Variants in CTNNA3 observed in about 807,000 individuals in gnomAD.
The protein encoded by CTNNA3 is catenin alpha 3, also known as catenin alpha-3.
Under a neutral mutation model 95.7 loss-of-function variants are expected in CTNNA3, and 76 were observed. That is an observed-to-expected ratio of 0.79 (90% CI 0.66 to 0.96). The LOEUF (loss-of-function observed/expected upper bound fraction) is 0.96, where lower values mean the gene tolerates loss of function less well. CTNNA3 is among the 40% of genes least tolerant of loss of function. The pLI is 0.00. For missense variants in CTNNA3, 1,191 were observed against 1,089.8 expected (o/e 1.09, Z -1.31); for synonymous variants, 431 against 374.4 (o/e 1.15, Z -1.74).
chr10:66,672,669 T>C (rs1029221960), intron 9 of CTNNA3, among the ~76,000 whole-genome samples: 1 of 152,018 alleles, frequency 6.6e-6, no homozygotes, highest in Non-Finnish European at 1.5e-5. Context: ...GAGACGTAAA[T>C]TACCTCTTTA....
intron 12 of CTNNA3, among the ~76,000 whole-genome samples, chr10:66,320,282 T>C (rs1230230645): frequency 1.3e-5 from 2 of 152,100 alleles, no homozygotes; most frequent in Admixed American, 1.3e-4. Context: ...TTGGCTTTGA[T>C]TTACCCTACA....
intron 9 of CTNNA3, among the ~76,000 whole-genome samples, chr10:66,637,932 C>T (rs1845391522): frequency 2.0e-5 from 3 of 152,120 alleles, no homozygotes; most frequent in African/African-American, 4.8e-5. Context: ...AGCTGCCATC[C>T]CTGCATAAAA....
At chr10:66,620,234 A>G (rs982552147) in intron 10 of CTNNA3, among the ~76,000 whole-genome samples, 4 of 152,116 alleles carry the variant, frequency 2.6e-5, no homozygotes, top group Admixed American at 1.3e-4. Flanking sequence ...AAGATAAATC[A>G]TATGTTTACC....
chr10:66,268,644 G>A (rs990512734), intron 13 of CTNNA3, among the ~76,000 whole-genome samples: 2 of 152,200 alleles, frequency 1.3e-5, no homozygotes, highest in African/African-American at 4.8e-5. Flanking sequence ...CTGGAACAAA[G>A]AGTGTGACAA....
intron 6 of CTNNA3, among the ~76,000 whole-genome samples, chr10:67,197,026 T>A (rs975275085): frequency 6.6e-5 from 10 of 152,132 alleles, no homozygotes; most frequent in Non-Finnish European, 5.9e-5. Flanking sequence ...AAAATACAGA[T>A]GATTTTTATA....
chr10:67,100,677 C>A (rs1009766806), intron 7 of CTNNA3, among the ~76,000 whole-genome samples: 3 of 151,604 alleles, frequency 2.0e-5, no homozygotes, highest in African/African-American at 7.3e-5. Context: ...AGCATGGTTA[C>A]AATAACAGCC....
At chr10:67,453,557 T>C (rs1256461840) in intron 5 of CTNNA3, among the ~76,000 whole-genome samples, 1 of 152,198 alleles carries the variant, frequency 6.6e-6, no homozygotes, top group Admixed American at 6.5e-5. Context: ...ATTTCCAGCA[T>C]GGAAAACAAA....
chr10:66,651,653 C>T (rs11596194), intron 9 of CTNNA3, among the ~76,000 whole-genome samples: 5 of 151,532 alleles, frequency 3.3e-5, no homozygotes, highest in African/African-American at 7.3e-5. Flanking sequence ...GCGCAGTGCC[C>T]GCCGGCCGGC....
chr10:66,857,991 A>G (rs893872463), intron 7 of CTNNA3, among the ~76,000 whole-genome samples: 1 of 152,064 alleles, frequency 6.6e-6, no homozygotes, highest in African/African-American at 2.4e-5. Context: ...CTAGTTTTCA[A>G]GGGAAATGCT....
At chr10:66,146,962 A>C (rs1392043055) in intron 13 of CTNNA3, among the ~76,000 whole-genome samples, 1 of 152,164 alleles carries the variant, frequency 6.6e-6, no homozygotes, top group Non-Finnish European at 1.5e-5. Context: ...AGAATATGCA[A>C]ATTTTGACTG....
At chr10:67,679,690 G>A (rs781647275) in intron 1 of CTNNA3, among the ~76,000 whole-genome samples, 4 of 152,048 alleles carry the variant, frequency 2.6e-5, no homozygotes, top group African/African-American at 9.7e-5. Flanking sequence ...ATTGCTAAAA[G>A]ATAAAATTGG....
intron 7 of CTNNA3, among the ~76,000 whole-genome samples, chr10:66,815,485 G>A (rs1054195006): frequency 6.6e-6 from 1 of 152,004 alleles, no homozygotes; most frequent in South Asian, 2.1e-4. Flanking sequence ...GTGGTTCTTG[G>A]GAAGACTTAT....
At chr10:67,248,662 A>G (rs1251532160) in intron 5 of CTNNA3, among the ~76,000 whole-genome samples, 1 of 152,136 alleles carries the variant, frequency 6.6e-6, no homozygotes, top group African/African-American at 2.4e-5. Flanking sequence ...CCTGGGCTCA[A>G]GCGATCTGCC....
At chr10:67,482,952 C>T (rs923728434) in intron 5 of CTNNA3, among the ~76,000 whole-genome samples, 11 of 151,926 alleles carry the variant, frequency 7.2e-5, no homozygotes, top group African/African-American at 2.2e-4. Flanking sequence ...AAAAAGTGGG[C>T]GAAGGATATG....
In CTNNA3 at chr10:65,913,562, A is replaced by G. The variant is rs993564169; in HGVS notation, c.*6768T>C. The G allele has an allele frequency of 3.9e-4, 60 of 152,156 alleles. 4 individuals are homozygous for G. The highest frequency in any genetic ancestry group is 6.6e-5 in the Admixed American group (1 of 15,264). The allele number at this position is 152,156 out of a possible 1,614,324, so 9.4% of individuals were successfully genotyped here. ...CAGTTGCTGAAATTCTCATATTTAT[A>G]TCCCTATGGACACAATGTATACTAA... is the stretch of plus-strand genomic sequence containing the variant. On this transcript the variant is annotated 3_prime_UTR_variant, in exon 18 of 18. Coordinates refer to ENST00000433211, the MANE Select transcript of CTNNA3 (RefSeq NM_013266.4).
rs932722505 is a variant in CTNNA3 at position 66,439,640 on chromosome 10, T to A, written c.1532-60288A>T. 2.6e-5 allele frequency among the ~76,000 whole-genome samples: 4 copies of A among 152,194 alleles called. No individual in the cohort carries two copies. In the South Asian group the frequency reaches 8.3e-4, roughly 32 times the overall value. ...ACACATTAGATATAGCATAATAGAC[T>A]ATTTCAGAGGAATATCCGGCTAATA... is the stretch of plus-strand genomic sequence containing the variant. On this transcript the variant is annotated intron_variant, in intron 11 of 17. Transcript: ENST00000433211.
chr10:66,286,723 T>G (rs2091595489), intron 12 of CTNNA3, among the ~76,000 whole-genome samples: 1 of 151,618 alleles, frequency 6.6e-6, no homozygotes, highest in African/African-American at 2.4e-5. Flanking sequence ...TGGTGTTGAA[T>G]GAAGGTGGTC....
Position 66,621,763 on chromosome 10 carries a change from T to G in CTNNA3, c.1303A>C (p.Met435Leu). The change falls in exon 10 of 18, where the codon ATG (methionine) becomes CTG (leucine). Residue 435 changes from methionine to leucine, a missense_variant. Met to Leu is a conservative substitution (Grantham distance 15). Coordinates refer to ENST00000433211, the MANE Select transcript of CTNNA3 (RefSeq NM_013266.4). ...LVEVANLACS[M>L]STNEDGIKIV... ...TTAATTCCATCTTCATTTGTTGACATGGAACAAGCAAGATTTGCCACCTTA... is the reference window on the plus strand; with the variant it reads ...TTAATTCCATCTTCATTTGTTGACAGGGAACAAGCAAGATTTGCCACCTTA... The G allele has an allele frequency of 6.2e-7, 1 of 1,609,782 alleles. No individual in the cohort carries two copies. The highest frequency in any genetic ancestry group is 2.2e-5 in the East Asian group (1 of 44,714).
intron 1 of CTNNA3, among the ~76,000 whole-genome samples, chr10:67,654,084 T>G (rs539191364): frequency 3.9e-5 from 6 of 152,156 alleles, no homozygotes; most frequent in Non-Finnish European, 5.9e-5. Flanking sequence ...GCCCCTCAAG[T>G]GCAAGACAGC....
Sources: gnomAD v4.1 joint callset for allele counts (sites outside exome capture counted in the v4.1 genomes callset) on GRCh38, gnomAD v4.1.1 for gene constraint, MANE v1.5 for transcripts, NCBI Gene and HGNC (gene_info 2026-07-23, HGNC 2026-07-21) for gene names.